BRD4: variants seen among roughly 807,000 people sequenced by gnomAD.
BRD4 encodes bromodomain-containing protein 4.
Under a neutral mutation model 142.1 loss-of-function variants are expected in BRD4, and 16 were observed. That is an observed-to-expected ratio of 0.11 (90% CI 0.08 to 0.17). BRD4 has a LOEUF of 0.17. BRD4 is among the 10% of genes least tolerant of loss of function. BRD4 has a pLI of 1.00. For synonymous variants in BRD4, 833 were observed against 707.5 expected, an observed-to-expected ratio of 1.18 and a Z score of -2.82; for missense variants, 1,424 against 1,810.9, an observed-to-expected ratio of 0.79 and a Z score of 3.88.
At chr19:15,283,468 T>C (rs961387439) in intron 1 of BRD4, among the ~76,000 whole-genome samples, 1 of 152,202 alleles carries the variant, frequency 6.6e-6, no homozygotes, top group African/African-American at 2.4e-5. Flanking sequence ...CAGGGAAACA[T>C]GTTATGACAG....
At chr19:15,252,111 G>C (rs993948765) in intron 11 of BRD4, among the ~76,000 whole-genome samples, 1 of 152,154 alleles carries the variant, frequency 6.6e-6, no homozygotes. Flanking sequence ...AGCGGCAGGA[G>C]GGGTGTGGGG....
chr19:15,314,362 G>GT (rs2047998919), intron 1 of BRD4, among the ~76,000 whole-genome samples: 1 of 152,168 alleles, frequency 6.6e-6, no homozygotes, highest in South Asian at 2.1e-4. Flanking sequence ...GGTCACTAGA[G>GT]TTCACTCTAG....
intron 14 of BRD4, among the ~76,000 whole-genome samples, chr19:15,241,434 G>A (rs1011025427): frequency 1.3e-5 from 2 of 152,254 alleles, no homozygotes; most frequent in African/African-American, 4.8e-5. Flanking sequence ...GGGGCCCAGG[G>A]ATGCCTGTTA....
Position 15,243,505 on chromosome 19 carries a change from C to T in BRD4, c.2582-18G>A, listed in dbSNP as rs753991012. 12 of 1,538,790 alleles carry T rather than the reference C, an allele frequency of 7.8e-6. No individual in the cohort carries two copies. The highest frequency in any genetic ancestry group is 2.5e-5 in the South Asian group (2 of 78,840). On this transcript the variant is annotated intron_variant, in intron 13 of 19. Transcript: ENST00000679869. ...GTGCAAAGCTGGAAGAACACAACAC[C>T]GAGGCGGTGAGGCCTGAGCACCTGT...
chr19:15,279,122 T>A (rs1373071943), intron 1 of BRD4, among the ~76,000 whole-genome samples: 1 of 152,078 alleles, frequency 6.6e-6, no homozygotes, highest in African/African-American at 2.4e-5. Context: ...ATTACAGGCG[T>A]GAGCCACCGC....
chr19:15,292,795 AAAAAAAAAAAAAAAAAAAAAG>A (rs1367391834), intron 1 of BRD4, among the ~76,000 whole-genome samples: 48 of 45,508 alleles, frequency 1.1e-3, no homozygotes, highest in South Asian at 1.4e-3. Flanking sequence ...AAAAAAAAAA[AAAAAAAAAAAAAAAAAAAAAG>A]AAAGAAAGAA....
rs906235205 is a variant in BRD4, at chr19:15,236,015, G to A, written c.*2362C>T. The A allele has an allele frequency of 1.3e-5, 2 of 152,240 alleles. No homozygotes were observed. The highest frequency in any genetic ancestry group is 3.9e-4 in the East Asian group (2 of 5,194). 9.4% of individuals were successfully genotyped at this position (152,240 alleles called of 1,614,324 possible). A position where few individuals can be genotyped will look rare whatever the true frequency, so the allele number is the denominator to read the frequency against. On this transcript the variant is annotated 3_prime_UTR_variant, in exon 20 of 20. Transcript: ENST00000679869. ...AACCTAAATACGTCACACTTGAAGT[G>A]GCACAGTGGTATATGAGAAAGTGCC...
intron 11 of BRD4, chr19:15,253,840 C>G: frequency 6.9e-7 from 1 of 1,441,030 alleles, no homozygotes; most frequent in Non-Finnish European, 9.4e-7. Flanking sequence ...GCCCACAGTC[C>G]TCATGGCCCA....
chr19:15,297,446 C>T (rs1054823686), intron 1 of BRD4, among the ~76,000 whole-genome samples: 2 of 152,132 alleles, frequency 1.3e-5, no homozygotes, highest in African/African-American at 2.4e-5. Context: ...TGCCACCGAA[C>T]CCCCCCAAAC....
chr19:15,279,360 C>T (rs1409550604), intron 1 of BRD4, among the ~76,000 whole-genome samples: 1 of 152,068 alleles, frequency 6.6e-6, no homozygotes, highest in Non-Finnish European at 1.5e-5. Context: ...ACAAAAAATC[C>T]AAAACCAGCT....
At chr19:15,246,856 A>ATGTG (rs1450481178) in intron 11 of BRD4, among the ~76,000 whole-genome samples, 2 of 152,252 alleles carry the variant, frequency 1.3e-5, no homozygotes, top group East Asian at 3.9e-4. Context: ...AGAAGGCGGC[A>ATGTG]TGTGCACGGC....
intron 1 of BRD4, among the ~76,000 whole-genome samples, chr19:15,286,825 T>C (rs1297666440): frequency 6.6e-6 from 1 of 152,216 alleles, no homozygotes; most frequent in Non-Finnish European, 1.5e-5. Flanking sequence ...AAAAATTCAT[T>C]TCCTCGGTAG....
chr19:15,279,658 C>A (rs1568395883), intron 1 of BRD4, among the ~76,000 whole-genome samples: 1 of 152,184 alleles, frequency 6.6e-6, no homozygotes, highest in Non-Finnish European at 1.5e-5. Context: ...AGTTCTGGGA[C>A]TCTAAAGGCA....
chr19:15,328,854 A>G (rs956337050), intron 1 of BRD4, among the ~76,000 whole-genome samples: 1 of 151,990 alleles, frequency 6.6e-6, no homozygotes, highest in South Asian at 2.1e-4. Context: ...GCTCACCGCA[A>G]CCTCCGCCTC....
At chr19:15,328,959 G>C (rs1031059456) in intron 1 of BRD4, among the ~76,000 whole-genome samples, 2 of 152,172 alleles carry the variant, frequency 1.3e-5, no homozygotes, top group Admixed American at 6.5e-5. Context: ...TTTTAATAGA[G>C]ACGTGGTTTC....
intron 1 of BRD4, among the ~76,000 whole-genome samples, chr19:15,325,814 C>T (rs2048102558): frequency 6.6e-6 from 1 of 151,762 alleles, no homozygotes; most frequent in South Asian, 2.1e-4. Context: ...GCCTGACCAA[C>T]ATGGAGAAAC....
chr19:15,291,135 T>G (rs1439773343), intron 1 of BRD4, among the ~76,000 whole-genome samples: 1 of 152,188 alleles, frequency 6.6e-6, no homozygotes, highest in Non-Finnish European at 1.5e-5. Flanking sequence ...GGCCTGCTCC[T>G]GACTTGTTAT....
chr19:15,315,426 T>C (rs1194383796), intron 1 of BRD4, among the ~76,000 whole-genome samples: 5 of 152,044 alleles, frequency 3.3e-5, no homozygotes, highest in East Asian at 1.9e-4. Context: ...AGCACACGCA[T>C]TGGACATGGA....
In BRD4 at chr19:15,267,401, A is replaced by C. The variant is rs1172912573; in HGVS notation, c.559+15T>G. ...CGGGGAGAAAGCCAATTTACTTGCT[A>C]TTTCAGTACTCTACCTGTTTCTTTC... On this transcript the variant is annotated intron_variant, in intron 4 of 19. Transcript: ENST00000679869. The C allele has an allele frequency of 6.2e-7, 1 of 1,610,674 alleles. No homozygotes were observed. The highest frequency in any genetic ancestry group is 1.3e-5 in the African/African-American group (1 of 74,652).
Sources: allele counts gnomAD v4.1 joint callset (sites outside exome capture counted in the v4.1 genomes callset), GRCh38; gene constraint gnomAD v4.1.1; transcripts MANE v1.5; gene names NCBI Gene and HGNC (gene_info 2026-07-23, HGNC 2026-07-21).